The following NEDD4L variants were observed in gnomAD, a reference collection of about 807,000 sequenced individuals.
NEDD4L encodes the protein NEDD4 like E3 ubiquitin protein ligase.
NEDD4L carries 54 observed loss-of-function variants against 148.9 expected under a neutral mutation model. That is an observed-to-expected ratio of 0.36 (90% CI 0.29 to 0.45). The LOEUF (loss-of-function observed/expected upper bound fraction) is 0.45. Among genes scored for constraint, NEDD4L ranks in the 20% least tolerant of loss-of-function variants. The pLI is 1.00. For synonymous variants in NEDD4L, 433 were observed against 440.7 expected, an observed-to-expected ratio of 0.98 and a Z score of 0.22; for missense variants, 856 against 1,233.8, an observed-to-expected ratio of 0.69 and a Z score of 4.59.
rs955578411 is a variant in NEDD4L at position 58,383,102 on chromosome 18, C to A, written c.2353-144C>A. The A allele has an allele frequency of 1.9e-5, 11 of 564,466 alleles. No homozygotes were observed. The Admixed American group carries it at 3.4e-4, about 18-fold the overall frequency. 35.0% of individuals were successfully genotyped at this position (564,466 alleles called of 1,614,324 possible). A position where few individuals can be genotyped will look rare whatever the true frequency, so the allele number is the denominator to read the frequency against. On this transcript the variant is annotated intron_variant, in intron 24 of 30. Transcript: ENST00000400345. Reference sequence around the variant, plus strand: ...ATCCTAGCAAAAAAGCCTCATTGGACATTCTCTTGTGCACAGAGCCCATTT... The same window carrying A: ...ATCCTAGCAAAAAAGCCTCATTGGAAATTCTCTTGTGCACAGAGCCCATTT...
intron 1 of NEDD4L, among the ~76,000 whole-genome samples, chr18:58,145,667 A>G (rs893147497): frequency 6.6e-6 from 1 of 152,052 alleles, no homozygotes; most frequent in African/African-American, 2.4e-5. Flanking sequence ...ACTCCTGTAA[A>G]TACATCGTTG....
intron 5 of NEDD4L, among the ~76,000 whole-genome samples, chr18:58,268,614 A>G (rs1164790512): frequency 1.3e-5 from 2 of 152,114 alleles, no homozygotes; most frequent in Non-Finnish European, 2.9e-5. Flanking sequence ...GGAAAAGGCA[A>G]GAATAGAGAT....
intron 2 of NEDD4L, among the ~76,000 whole-genome samples, chr18:58,208,924 A>C (rs1400340509): frequency 1.3e-5 from 2 of 152,120 alleles, no homozygotes; most frequent in Admixed American, 1.3e-4. Context: ...ACTTTGGAAC[A>C]CTGATTCTAG....
At chr18:58,142,040 CTT>C (rs552184742) in intron 1 of NEDD4L, among the ~76,000 whole-genome samples, 33 of 41,860 alleles carry the variant, frequency 7.9e-4, no homozygotes, top group East Asian at 2.4e-3. Flanking sequence ...AAATTTCTTT[CTT>C]TTTTTTTTTT....
chr18:58,190,785 T>C (rs578220756), intron 2 of NEDD4L, among the ~76,000 whole-genome samples: 2 of 152,294 alleles, frequency 1.3e-5, no homozygotes, highest in South Asian at 4.1e-4. Flanking sequence ...ACCTTTTACC[T>C]CCATTATTTA....
At chr18:58,067,738 A>G (rs1168169388) in intron 1 of NEDD4L, among the ~76,000 whole-genome samples, 1 of 152,162 alleles carries the variant, frequency 6.6e-6, no homozygotes, top group African/African-American at 2.4e-5. Flanking sequence ...TGGGAGCTGG[A>G]GAAAGGAATG....
chr18:58,338,967 A>T (rs1482933510), intron 13 of NEDD4L, among the ~76,000 whole-genome samples: 1 of 152,202 alleles, frequency 6.6e-6, no homozygotes, highest in African/African-American at 2.4e-5. Context: ...CAGCTTTAGG[A>T]TTCAGTTCTG....
chr18:58,223,395 T>C (rs1209578387), intron 2 of NEDD4L, among the ~76,000 whole-genome samples: 1 of 151,972 alleles, frequency 6.6e-6, no homozygotes, highest in Non-Finnish European at 1.5e-5. Context: ...GCTACTTGAG[T>C]GTAGAAGTTT....
rs142556422 is a variant in NEDD4L, at chr18:58,085,728, A to T, written c.48+41020A>T. ...TTTAGTGTGCTTTTCCTTATTTTAA[A>T]CAGCTTTCATAGCTCACTTCCAAAC... On this transcript the variant is annotated intron_variant, in intron 1 of 30. Coordinates refer to ENST00000400345, the MANE Select transcript of NEDD4L (RefSeq NM_001144967.3). 3.9e-5 allele frequency among the ~76,000 whole-genome samples: 6 copies of T among 152,306 alleles called. 1 individual carries two copies. In the East Asian group the frequency reaches 1.2e-3, roughly 29 times the overall value.
chr18:58,298,141 G>A (rs1224077318), intron 5 of NEDD4L, among the ~76,000 whole-genome samples: 1 of 152,174 alleles, frequency 6.6e-6, no homozygotes. Flanking sequence ...ATGAATCTAT[G>A]ATAATATGCC....
At chr18:58,284,964 C>T (rs578233468) in intron 5 of NEDD4L, among the ~76,000 whole-genome samples, 15 of 152,248 alleles carry the variant, frequency 9.9e-5, no homozygotes, top group Admixed American at 9.8e-4. Context: ...CCTGCTCCTG[C>T]TCTCCCCGTC....
chr18:58,145,455 A>T (rs967188112), intron 1 of NEDD4L, among the ~76,000 whole-genome samples: 1 of 152,178 alleles, frequency 6.6e-6, no homozygotes, highest in Non-Finnish European at 1.5e-5. Flanking sequence ...CAGATTCTGG[A>T]GTAGGCAACG....
At chr18:58,267,303 A>G (rs1191668419) in intron 5 of NEDD4L, among the ~76,000 whole-genome samples, 4 of 152,052 alleles carry the variant, frequency 2.6e-5, no homozygotes, top group Admixed American at 6.5e-5. Context: ...AAAATTGTTC[A>G]TATTTCATAT....
At chr18:58,097,415 T>G (rs1363518370) in intron 1 of NEDD4L, among the ~76,000 whole-genome samples, 1 of 152,192 alleles carries the variant, frequency 6.6e-6, no homozygotes, top group Non-Finnish European at 1.5e-5. Context: ...ACATGTTTAG[T>G]TGAAGTGATA....
intron 1 of NEDD4L, among the ~76,000 whole-genome samples, chr18:58,132,997 T>C (rs4941333): frequency 0.33 from 50,177 of 152,008 alleles, 8,525 homozygotes; most frequent in Non-Finnish European, 0.37. Flanking sequence ...AGCGTGCATT[T>C]TCAAACCAGA....
chr18:58,311,706 T>TTTGTTGTTG (rs147148524), intron 5 of NEDD4L, among the ~76,000 whole-genome samples: 1 of 151,930 alleles, frequency 6.6e-6, no homozygotes, highest in Admixed American at 6.6e-5. Context: ...CCCTGTGGTT[T>TTTGTTGTTG]TTGTTGTTGT....
chr18:58,124,867 G>A (rs78129170), intron 1 of NEDD4L, among the ~76,000 whole-genome samples: 2,644 of 152,282 alleles, frequency 0.017, 31 homozygotes, highest in African/African-American at 0.026. Context: ...CATGAGGAAG[G>A]CTATTAAAAC....
At chr18:58,337,432 C>T (rs2041913833) in intron 13 of NEDD4L, among the ~76,000 whole-genome samples, 1 of 152,166 alleles carries the variant, frequency 6.6e-6, no homozygotes, top group Admixed American at 6.5e-5. Context: ...TTTGGCATCC[C>T]CTCTGTTCCT....
At position 58,387,424 on chromosome 18, in the gene NEDD4L, T is replaced by TC; in HGVS notation, c.2488-15_2488-14insC. 1 of 1,524,644 alleles carries TC rather than the reference T, an allele frequency of 6.6e-7. No individual in the cohort carries two copies. Among genetic ancestry groups the TC allele is most frequent in the Admixed American group, 2.4e-5 (1 of 41,062 alleles). 94.4% of individuals were successfully genotyped at this position (1,524,644 alleles called of 1,614,324 possible). A position where few individuals can be genotyped will look rare whatever the true frequency, so the allele number is the denominator to read the frequency against. On this transcript the variant is annotated splice_polypyrimidine_tract_variant and intron_variant, in intron 26 of 30. Coordinates refer to ENST00000400345, the MANE Select transcript of NEDD4L (RefSeq NM_001144967.3). ...AGGCAATAGGTGTTTAAGATGTTTTTTTTTTTTCTTTCAGGGATTCACAGA... is the reference window on the plus strand; with the variant it reads ...AGGCAATAGGTGTTTAAGATGTTTTTCTTTTTTTCTTTCAGGGATTCACAGA...
Sources: allele counts gnomAD v4.1 joint callset (sites outside exome capture counted in the v4.1 genomes callset), GRCh38; gene constraint gnomAD v4.1.1; transcripts MANE v1.5; gene names NCBI Gene and HGNC (gene_info 2026-07-23, HGNC 2026-07-21).